Variants in C8orf34 observed in about 807,000 individuals in gnomAD.
C8orf34 encodes the protein chromosome 8 open reading frame 34, also known as uncharacterized protein C8orf34.
A neutral mutation model predicts 68.3 loss-of-function variants in C8orf34; 65 were observed. That is an observed-to-expected ratio of 0.95 (90% CI 0.78 to 1.17). C8orf34 has a LOEUF of 1.17. Ranked by LOEUF, C8orf34 falls within the 50% of genes most tolerant of loss-of-function variation. C8orf34 has a pLI of 0.00. For synonymous variants in C8orf34, 244 were observed against 241.2 expected (o/e 1.01, Z -0.11); for missense variants, 664 against 655.4 (o/e 1.01, Z -0.14).
In C8orf34 at chr8:68,419,832, G is replaced by A. The variant is rs1475347360; in HGVS notation, c.328-19667G>A. On this transcript the variant is annotated intron_variant, in intron 1 of 13. Coordinates refer to ENST00000518698, the MANE Select transcript of C8orf34 (RefSeq NM_052958.4). ...ATCACACTCTGGGGACTGTTGTGGG[G>A]TGGGGGAAGGGGGGAGGGATGGCAT... Among the ~76,000 whole-genome samples the A allele has an allele frequency of 1.9e-5, 2 of 106,448 alleles. 1 individual carries two copies. The allele number at this position is 106,448 out of a possible 152,430, so 69.8% of individuals were successfully genotyped here.
At chr8:68,526,824 A>G (rs1403798619) in intron 6 of C8orf34, among the ~76,000 whole-genome samples, 2 of 152,188 alleles carry the variant, frequency 1.3e-5, no homozygotes, top group Non-Finnish European at 2.9e-5. Flanking sequence ...AATGTTTACC[A>G]ACCTATGCTC....
intron 8 of C8orf34, among the ~76,000 whole-genome samples, chr8:68,647,171 G>A (rs1321351486): frequency 1.3e-5 from 2 of 152,104 alleles, no homozygotes; most frequent in Non-Finnish European, 1.5e-5. Context: ...CATACACATG[G>A]CCAACAGATA....
intron 12 of C8orf34, among the ~76,000 whole-genome samples, chr8:68,808,440 A>C (rs2129529831): frequency 6.6e-6 from 1 of 152,140 alleles, no homozygotes; most frequent in Non-Finnish European, 1.5e-5. Flanking sequence ...TTTTACTTTT[A>C]AGTATGTACC....
At chr8:68,527,605 CTA>C (rs2129762581) in intron 6 of C8orf34, among the ~76,000 whole-genome samples, 2 of 152,146 alleles carry the variant, frequency 1.3e-5, no homozygotes, top group South Asian at 4.2e-4. Flanking sequence ...AATGAGGAAA[CTA>C]AGTCCCAGAG....
At chr8:68,458,711 C>G (rs531502886) in intron 3 of C8orf34, among the ~76,000 whole-genome samples, 47 of 152,262 alleles carry the variant, frequency 3.1e-4, no homozygotes, top group African/African-American at 1.1e-3. Context: ...GGGGAATGGT[C>G]TGTGAGGTAG....
At chr8:68,790,143 CATTGGAGCCACTGAAGCATTGGT>C (rs1823952609) in intron 12 of C8orf34, among the ~76,000 whole-genome samples, 1 of 152,198 alleles carries the variant, frequency 6.6e-6, no homozygotes, top group Admixed American at 6.5e-5. Context: ...GACATGTATA[CATTGGAGCCACTGAAGCATTGGT>C]ATCTCCACTG....
At chr8:68,615,501 G>C (rs569416431) in intron 7 of C8orf34, among the ~76,000 whole-genome samples, 16 of 152,106 alleles carry the variant, frequency 1.1e-4, no homozygotes, top group Admixed American at 3.3e-4. Flanking sequence ...TAGCATGAAG[G>C]GTTGCTGAAT....
chr8:68,393,516 G>A (rs1177305138), intron 1 of C8orf34, among the ~76,000 whole-genome samples: 1 of 152,092 alleles, frequency 6.6e-6, no homozygotes, highest in East Asian at 1.9e-4. Flanking sequence ...TCTGTCACCA[G>A]GTCAGGCTTT....
intron 7 of C8orf34, among the ~76,000 whole-genome samples, chr8:68,635,795 A>G (rs1029362632): frequency 6.6e-6 from 1 of 152,180 alleles, no homozygotes; most frequent in African/African-American, 2.4e-5. Context: ...GATGAGAAAC[A>G]CACTCTCCTC....
intron 1 of C8orf34, among the ~76,000 whole-genome samples, chr8:68,409,131 G>A (rs936589900): frequency 6.6e-6 from 1 of 152,068 alleles, no homozygotes; most frequent in Non-Finnish European, 1.5e-5. Context: ...CATTCTGTAC[G>A]GTGCATAATA....
chr8:68,758,473 G>A (rs1365672673), intron 10 of C8orf34, among the ~76,000 whole-genome samples: 5 of 152,056 alleles, frequency 3.3e-5, no homozygotes. Flanking sequence ...GTCTTGGCTG[G>A]GAACACCAGG....
chr8:68,786,913 G>T (rs1376233140), intron 11 of C8orf34, among the ~76,000 whole-genome samples: 1 of 152,080 alleles, frequency 6.6e-6, no homozygotes, highest in Non-Finnish European at 1.5e-5. Flanking sequence ...AGATAATGAG[G>T]GTCTGCTTTA....
At chr8:68,632,613 G>A (rs1396052083) in intron 7 of C8orf34, among the ~76,000 whole-genome samples, 1 of 152,146 alleles carries the variant, frequency 6.6e-6, no homozygotes, top group Non-Finnish European at 1.5e-5. Context: ...CTTCACAGCA[G>A]CCCCTCCCAT....
intron 7 of C8orf34, 127 bp from the exon 8 acceptor site, chr8:68,640,249 A>T (rs1818964345): frequency 1.3e-6 from 1 of 782,254 alleles, no homozygotes; most frequent in African/African-American, 1.8e-5. Context: ...ATGTAGTTAG[A>T]TTTTTGCAAA....
At chr8:68,388,942 T>C (rs2129620523) in intron 1 of C8orf34, among the ~76,000 whole-genome samples, 1 of 152,300 alleles carries the variant, frequency 6.6e-6, no homozygotes. Flanking sequence ...AAGTTTCTCG[T>C]TAGCCTTTTC....
At chr8:68,561,429 C>CT (rs1439382150) in intron 7 of C8orf34, among the ~76,000 whole-genome samples, 1 of 152,016 alleles carries the variant, frequency 6.6e-6, no homozygotes, top group Non-Finnish European at 1.5e-5. Context: ...AAATTTTTAA[C>CT]TTTTTAAAAA....
intron 7 of C8orf34, among the ~76,000 whole-genome samples, chr8:68,570,562 A>G (rs919549208): frequency 1.3e-5 from 2 of 152,204 alleles, no homozygotes; most frequent in African/African-American, 4.8e-5. Flanking sequence ...AATTTCTACA[A>G]ACTTGAAATG....
intron 12 of C8orf34, among the ~76,000 whole-genome samples, chr8:68,806,267 C>T (rs1184494052): frequency 6.6e-6 from 1 of 151,636 alleles, no homozygotes; most frequent in East Asian, 1.9e-4. Flanking sequence ...GTCACTATTC[C>T]TTTTTTTCAA....
At chr8:68,800,164 C>G (rs935002733) in intron 12 of C8orf34, among the ~76,000 whole-genome samples, 1 of 152,152 alleles carries the variant, frequency 6.6e-6, no homozygotes, top group Non-Finnish European at 1.5e-5. Context: ...TAGGGAAGAA[C>G]TCTAATGAGA....
Sources: allele counts gnomAD v4.1 joint callset (sites outside exome capture counted in the v4.1 genomes callset), GRCh38; gene constraint gnomAD v4.1.1; transcripts MANE v1.5; gene names NCBI Gene and HGNC (gene_info 2026-07-23, HGNC 2026-07-21).